Variants in DNMBP observed in about 807,000 individuals in gnomAD.
DNMBP encodes the protein dynamin-binding protein.
DNMBP carries 87 observed loss-of-function variants against 150.0 expected under a neutral mutation model. That is an observed-to-expected ratio of 0.58 (90% CI 0.49 to 0.69). DNMBP has a LOEUF of 0.69. DNMBP is among the 30% of genes least tolerant of loss of function. The pLI, the probability that DNMBP is intolerant of heterozygous loss-of-function variation, is 0.00. For missense variants in DNMBP, 1,774 were observed against 1,949.0 expected (o/e 0.91, Z 1.69); for synonymous variants, 711 against 750.4 (o/e 0.95, Z 0.86).
At chr10:99,968,020 T>C (rs904956503) in intron 3 of DNMBP, among the ~76,000 whole-genome samples, 1 of 152,166 alleles carries the variant, frequency 6.6e-6, no homozygotes, top group Non-Finnish European at 1.5e-5. Context: ...TATTTATGTA[T>C]TATTTATTTG....
At chr10:99,954,838 G>C (rs1332279378) in intron 4 of DNMBP, among the ~76,000 whole-genome samples, 1 of 151,520 alleles carries the variant, frequency 6.6e-6, no homozygotes, top group Non-Finnish European at 1.5e-5. Context: ...ATCACCCAAG[G>C]CCAGGAGTTC....
chr10:99,998,361 T>C (rs2040974236), intron 1 of DNMBP, among the ~76,000 whole-genome samples: 2 of 152,060 alleles, frequency 1.3e-5, no homozygotes, highest in African/African-American at 4.8e-5. Context: ...GTGGATTGCC[T>C]GAGCTCAGGA....
chr10:99,950,104 G>T (rs891041661), intron 4 of DNMBP, among the ~76,000 whole-genome samples: 2 of 152,144 alleles, frequency 1.3e-5, no homozygotes, highest in African/African-American at 2.4e-5. Context: ...TGGGGGGCAG[G>T]TCTTTCCTGT....
chr10:99,951,377 G>C lies in DNMBP; in HGVS notation c.2260+3837C>G, dbSNP rs367968395. Among the ~76,000 whole-genome samples the C allele has an allele frequency of 2.1e-4, 32 of 152,306 alleles. No homozygotes were observed. In the South Asian group the frequency reaches 6.6e-3, roughly 32 times the overall value. On this transcript the variant is annotated intron_variant, in intron 4 of 16. Coordinates refer to ENST00000324109, the MANE Select transcript of DNMBP (RefSeq NM_015221.4). Reference sequence around the variant, plus strand: ...GTCCCTACTGGGGCACCACCTAGTGGAGCTGTGAGAAGAGGGCCAAAATCT... The same window carrying C: ...GTCCCTACTGGGGCACCACCTAGTGCAGCTGTGAGAAGAGGGCCAAAATCT...
At chr10:99,936,317 A>C (rs1806331) in intron 4 of DNMBP, among the ~76,000 whole-genome samples, 1 of 152,112 alleles carries the variant, frequency 6.6e-6, no homozygotes, top group Admixed American at 6.5e-5. Context: ...TTCAGCTTAC[A>C]TTTTGTGAGG....
intron 3 of DNMBP, among the ~76,000 whole-genome samples, chr10:99,964,697 C>G (rs188070445): frequency 0.017 from 2,503 of 151,320 alleles, 35 homozygotes; most frequent in African/African-American, 0.037. Flanking sequence ...ATGGTGAAAC[C>G]CTGTCTCTAC....
chr10:99,931,390 G>A (rs1417907263), intron 4 of DNMBP, among the ~76,000 whole-genome samples: 1 of 152,124 alleles, frequency 6.6e-6, no homozygotes, highest in Non-Finnish European at 1.5e-5. Flanking sequence ...ACCAGTTAGT[G>A]TACACTCCAA....
At chr10:99,881,724 C>T (rs1006242703) in intron 15 of DNMBP, among the ~76,000 whole-genome samples, 2 of 152,206 alleles carry the variant, frequency 1.3e-5, no homozygotes, top group Non-Finnish European at 2.9e-5. Flanking sequence ...CACCTGATGT[C>T]ACCCTAACAG....
At chr10:99,938,733 T>C (rs1275188971) in intron 4 of DNMBP, among the ~76,000 whole-genome samples, 2 of 152,170 alleles carry the variant, frequency 1.3e-5, no homozygotes, top group East Asian at 3.8e-4. Context: ...ACAAAAGCTG[T>C]GAATGGGTTG....
intron 1 of DNMBP, among the ~76,000 whole-genome samples, chr10:99,976,485 C>G (rs1490299938): frequency 6.6e-6 from 1 of 152,180 alleles, no homozygotes; most frequent in Non-Finnish European, 1.5e-5. Context: ...CCTCTGCTCT[C>G]CTCTGTCAAC....
At chr10:99,936,899 TTTTA>T (rs1284211300) in intron 4 of DNMBP, among the ~76,000 whole-genome samples, 1 of 151,876 alleles carries the variant, frequency 6.6e-6, no homozygotes, top group East Asian at 1.9e-4. Flanking sequence ...TCAAACCTTC[TTTTA>T]TTTCTTATTC....
At position 99,914,010 on chromosome 10, in the gene DNMBP, G is replaced by A. The variant is rs548490356; in HGVS notation, c.2261-4864C>T. ...TGTGGGCCTGAGGGTAAGCAGGCGG[G>A]ACAGAATCTTCCCAGAGCTCTGGAA... is the stretch of plus-strand genomic sequence containing the variant. On this transcript the variant is annotated intron_variant, in intron 4 of 16. Coordinates refer to ENST00000324109, the MANE Select transcript of DNMBP (RefSeq NM_015221.4). 2.7e-6 allele frequency: 4 copies of A among 1,509,250 alleles called. No individual in the cohort carries two copies. In the South Asian group the frequency reaches 3.8e-5, roughly 14 times the overall value. The allele number at this position is 1,509,250 out of a possible 1,614,324, so 93.5% of individuals were successfully genotyped here.
chr10:99,939,088 GA>G (rs540931313), intron 4 of DNMBP, among the ~76,000 whole-genome samples: 3 of 151,324 alleles, frequency 2.0e-5, no homozygotes, highest in Non-Finnish European at 4.4e-5. Flanking sequence ...GAAGGTAGAA[GA>G]AGGGTAAAGG....
chr10:99,929,320 A>C (rs1468733163), intron 4 of DNMBP, among the ~76,000 whole-genome samples: 1 of 152,186 alleles, frequency 6.6e-6, no homozygotes, highest in Non-Finnish European at 1.5e-5. Flanking sequence ...TAAGAAAGGA[A>C]AGATACTTGA....
chr10:100,005,699 A>G (rs2133394736), intron 1 of DNMBP, among the ~76,000 whole-genome samples: 1 of 146,666 alleles, frequency 6.8e-6, no homozygotes, highest in Non-Finnish European at 1.5e-5. Context: ...GGCTGCAGTG[A>G]GCCGAGATCT....
In DNMBP at chr10:99,908,972, A is replaced by G. The variant is rs373099513; in HGVS notation, c.2435T>C (p.Val812Ala). 112 of 1,613,786 alleles carry G rather than the reference A, an allele frequency of 6.9e-5. No individual in the cohort carries two copies. Among genetic ancestry groups the G allele is most frequent in the Non-Finnish European group, 8.6e-5 (101 of 1,179,892 alleles). The change falls in exon 5 of 17, where the codon GTA becomes GCA. Residue 812 changes from valine (V) to alanine (A), a missense_variant. By Grantham distance (64) the Val-to-Ala change is moderately conservative. This residue lies in a region of DNMBP where 1,430 missense variants were observed against 1,492.5 expected (regional missense o/e 0.96). Coordinates refer to ENST00000324109, the MANE Select transcript of DNMBP (RefSeq NM_015221.4). ...DLEMCIERIM[V>A]PMQQAQVPNI... ...TCCCACCTGTGCCTGCTGCATGGGT[A>G]CCATGATCCGCTCAATACACATTTC... is the stretch of plus-strand genomic sequence containing the variant.
chr10:99,985,248 G>C (rs1052028907), intron 1 of DNMBP, among the ~76,000 whole-genome samples: 2 of 152,122 alleles, frequency 1.3e-5, no homozygotes, highest in Admixed American at 6.5e-5. Context: ...TGGAAAACCA[G>C]GGACGAGCAG....
chr10:99,887,565 AACAC>A lies in DNMBP; in HGVS notation c.3286-937_3286-934del, dbSNP rs1156331602. Among the ~76,000 whole-genome samples, 6 of 152,192 alleles carry A rather than the reference AACAC, an allele frequency of 3.9e-5. No individual in the cohort carries two copies. In the South Asian group the frequency reaches 1.2e-3, roughly 32 times the overall value. On this transcript the variant is annotated intron_variant, in intron 12 of 16. Coordinates refer to ENST00000324109, the MANE Select transcript of DNMBP (RefSeq NM_015221.4). Reference sequence around the variant, plus strand: ...TAAATTTTTCTCTTTAATTCTTTCTAACACACAGACATTAAGGGTAAGGCAATGA... The same window carrying A: ...TAAATTTTTCTCTTTAATTCTTTCTAACAGACATTAAGGGTAAGGCAATGA...
chr10:99,885,785 C>T lies in DNMBP; in HGVS notation c.3700G>A (p.Val1234Ile), dbSNP rs1590210713. 1 of 1,611,978 alleles carries T rather than the reference C, an allele frequency of 6.2e-7. No homozygotes were observed. Among genetic ancestry groups the T allele is most frequent in the Non-Finnish European group, 8.5e-7 (1 of 1,179,182 alleles). ...EHSRVLQQLQ[V>I]FTFFPESLPA... Reference sequence around the variant, plus strand: ...AGAGACTCCGGGAAGAAGGTAAAAACCTGGAGTTGCTGCAGAACTCTGCTG... The same window carrying T: ...AGAGACTCCGGGAAGAAGGTAAAAATCTGGAGTTGCTGCAGAACTCTGCTG... Residue 1234 changes from valine to isoleucine, a missense_variant, in exon 14 of 17, where the codon GTT (valine) becomes ATT (isoleucine). Around this residue, in one of 2 missense-constraint regions of DNMBP, gnomAD observed 1,430 missense variants for 1,492.5 expected, o/e 0.96. Transcript: ENST00000324109.
Sources: allele counts gnomAD v4.1 joint callset (sites outside exome capture counted in the v4.1 genomes callset), GRCh38; gene constraint gnomAD v4.1.1; regional missense constraint gnomAD v4.1.1; transcripts MANE v1.5; gene names NCBI Gene and HGNC (gene_info 2026-07-23, HGNC 2026-07-21).